The following PKIB variants were observed in gnomAD, a reference collection of about 807,000 sequenced individuals.
PKIB encodes PKI-beta.
PKIB carries 2 observed loss-of-function variants against 4.5 expected under a neutral mutation model. The observed-to-expected ratio is 0.44, with a 90% CI of 0.18 to 1.39. The LOEUF (loss-of-function observed/expected upper bound fraction) is 1.39, where lower values mean the gene tolerates loss of function less well. PKIB is among the 40% of genes most tolerant of loss of function. PKIB has a pLI of 0.27. For synonymous variants in PKIB, 38 were observed against 36.0 expected (o/e 1.06, Z -0.20); for missense variants, 94 against 92.6 (o/e 1.02, Z -0.06).
intron 2 of PKIB, among the ~76,000 whole-genome samples, chr6:122,569,127 G>A (rs973734768): frequency 3.9e-5 from 6 of 152,190 alleles, no homozygotes; most frequent in African/African-American, 1.4e-4. Context: ...CCCCACCCAA[G>A]GAGAGTCAGA....
At chr6:122,518,634 C>T (rs986547147) in intron 2 of PKIB, among the ~76,000 whole-genome samples, 3 of 151,816 alleles carry the variant, frequency 2.0e-5, no homozygotes, top group African/African-American at 7.3e-5. Context: ...GCTGAGAGGG[C>T]CTCTGGCACA....
chr6:122,578,764 T>A (rs1773622152), intron 2 of PKIB, among the ~76,000 whole-genome samples: 1 of 152,162 alleles, frequency 6.6e-6, no homozygotes. Flanking sequence ...TCATCTTGAA[T>A]TGTAGTTCCC....
chr6:122,641,373 G>A (rs1406948221), intron 2 of PKIB, among the ~76,000 whole-genome samples: 3 of 152,052 alleles, frequency 2.0e-5, no homozygotes, highest in African/African-American at 7.2e-5. Context: ...ATAGCAGAAC[G>A]TTATTGCTAG....
At chr6:122,601,852 G>A (rs1774378635) in intron 3 of PKIB, among the ~76,000 whole-genome samples, 1 of 152,048 alleles carries the variant, frequency 6.6e-6, no homozygotes. Context: ...GTTGTGTTCT[G>A]GGGGAGTCAA....
intron 2 of PKIB, among the ~76,000 whole-genome samples, chr6:122,510,891 G>A (rs933277359): frequency 3.9e-5 from 6 of 152,094 alleles, no homozygotes; most frequent in Non-Finnish European, 8.8e-5. Context: ...GCAGCAAGCC[G>A]AGTCATGGCG....
chr6:122,482,022 G>T (rs1004263974), intron 2 of PKIB: 1 of 150,106 alleles, frequency 6.7e-6, no homozygotes, highest in Non-Finnish European at 1.5e-5. Context: ...GCAGTGGCGC[G>T]ATCTCGGCTC....
chr6:122,636,556 G>A (rs1262971732), intron 2 of PKIB, among the ~76,000 whole-genome samples: 1 of 151,992 alleles, frequency 6.6e-6, no homozygotes, highest in African/African-American at 2.4e-5. Context: ...AGTATGTTAT[G>A]CAGAAAGAAA....
At chr6:122,700,771 C>G (rs1016891356) in intron 3 of PKIB, among the ~76,000 whole-genome samples, 1 of 152,170 alleles carries the variant, frequency 6.6e-6, no homozygotes. Flanking sequence ...TGCAAACTTT[C>G]TGGGTACTTA....
chr6:122,689,038 C>T (rs1023094219), intron 3 of PKIB, among the ~76,000 whole-genome samples: 1 of 152,114 alleles, frequency 6.6e-6, no homozygotes, highest in Non-Finnish European at 1.5e-5. Flanking sequence ...ACCTCGGCCT[C>T]CCAAAGTGCT....
intron 2 of PKIB, among the ~76,000 whole-genome samples, chr6:122,513,895 T>C (rs922415895): frequency 3.9e-5 from 6 of 152,192 alleles, no homozygotes; most frequent in Admixed American, 3.9e-4. Flanking sequence ...TTTAAATGTA[T>C]AATTATAAGG....
chr6:122,690,318 C>G (rs566795624), intron 3 of PKIB, among the ~76,000 whole-genome samples: 1 of 151,742 alleles, frequency 6.6e-6, no homozygotes, highest in African/African-American at 2.4e-5. Flanking sequence ...GTTTTGTGGT[C>G]TTTTCTCCTT....
intron 4 of PKIB, among the ~76,000 whole-genome samples, chr6:122,722,984 A>T (rs1248270245): frequency 6.6e-6 from 1 of 152,082 alleles, no homozygotes; most frequent in Non-Finnish European, 1.5e-5. Flanking sequence ...ACGATCTCTT[A>T]GTCACAGATG....
At chr6:122,563,877 C>T (rs1281632741) in intron 2 of PKIB, among the ~76,000 whole-genome samples, 1 of 152,178 alleles carries the variant, frequency 6.6e-6, no homozygotes, top group Non-Finnish European at 1.5e-5. Context: ...AATCTCCCGC[C>T]TCCCAGCTGT....
intron 2 of PKIB, among the ~76,000 whole-genome samples, chr6:122,499,942 A>G (rs1404924015): frequency 7.2e-5 from 11 of 152,210 alleles, no homozygotes; most frequent in Non-Finnish European, 1.5e-5. Flanking sequence ...ATGCAATTCC[A>G]TTTACAATAG....
At chr6:122,590,859 C>T (rs1024987879) in intron 3 of PKIB, among the ~76,000 whole-genome samples, 3 of 151,986 alleles carry the variant, frequency 2.0e-5, no homozygotes, top group Non-Finnish European at 4.4e-5. Flanking sequence ...GCCCTCTGCC[C>T]ACAAAGGGTA....
chr6:122,560,433 G>A (rs1194977072), intron 2 of PKIB, among the ~76,000 whole-genome samples: 1 of 151,416 alleles, frequency 6.6e-6, no homozygotes, highest in Non-Finnish European at 1.5e-5. Flanking sequence ...ATATGTTGTT[G>A]GTTAGCTAAT....
intron 2 of PKIB, among the ~76,000 whole-genome samples, chr6:122,653,147 G>A (rs1316626051): frequency 1.3e-5 from 2 of 152,182 alleles, no homozygotes; most frequent in Admixed American, 6.5e-5. Context: ...CTGGTCCCTG[G>A]ATAGCTGAGC....
chr6:122,664,334 G>A (rs890467669), intron 2 of PKIB, among the ~76,000 whole-genome samples: 2 of 152,214 alleles, frequency 1.3e-5, no homozygotes, highest in Admixed American at 6.5e-5. Flanking sequence ...AATGTCATTG[G>A]CCTAAACATG....
intron 3 of PKIB, among the ~76,000 whole-genome samples, chr6:122,603,542 T>C (rs1774439832): frequency 6.6e-6 from 1 of 152,196 alleles, no homozygotes; most frequent in Non-Finnish European, 1.5e-5. Context: ...ACAGTGGTGC[T>C]ATCTCAACTC....
Sources: gnomAD v4.1 joint callset for allele counts (sites outside exome capture counted in the v4.1 genomes callset) on GRCh38, gnomAD v4.1.1 for gene constraint, MANE v1.5 for transcripts, NCBI Gene and HGNC (gene_info 2026-07-23, HGNC 2026-07-21) for gene names.